The following ATP13A3 variants were observed in gnomAD, a reference collection of about 807,000 sequenced individuals.
The protein encoded by ATP13A3 is polyamine-transporting ATPase 13A3.
A neutral mutation model predicts 158.1 loss-of-function variants in ATP13A3; 59 were observed. That is an observed-to-expected ratio of 0.37 (90% CI 0.30 to 0.46). The LOEUF is 0.46. ATP13A3 is among the 20% of genes least tolerant of loss of function. The probability of loss-of-function intolerance (pLI) is 1.00; values close to 1 mark genes in which losing one functional copy is unlikely to be tolerated. For synonymous variants in ATP13A3, 491 were observed against 504.3 expected, an observed-to-expected ratio of 0.97 and a Z score of 0.35; for missense variants, 1,166 against 1,525.2, an observed-to-expected ratio of 0.76 and a Z score of 3.92.
chr3:194,414,945 T>C (rs868144904), intron 31 of ATP13A3, among the ~76,000 whole-genome samples: 1 of 152,130 alleles, frequency 6.6e-6, no homozygotes, highest in Non-Finnish European at 1.5e-5. Flanking sequence ...CTTTAACATA[T>C]AGATGGTGAT....
chr3:194,426,818 T>C (rs1577042007), intron 29 of ATP13A3, among the ~76,000 whole-genome samples: 4 of 152,044 alleles, frequency 2.6e-5, no homozygotes, highest in East Asian at 3.9e-4. Context: ...GGCACCACCA[T>C]GCCCGGCTAA....
intron 20 of ATP13A3, among the ~76,000 whole-genome samples, chr3:194,436,357 T>C (rs1292882401): frequency 1.3e-5 from 2 of 152,124 alleles, no homozygotes; most frequent in East Asian, 1.9e-4. Context: ...TACTGGGGAT[T>C]AGGAAAGAAG....
In ATP13A3 at chr3:194,405,699, A is replaced by G; in HGVS notation, c.*220T>C. On this transcript the variant is annotated 3_prime_UTR_variant, in exon 34 of 34. Coordinates refer to ENST00000645319, the MANE Select transcript of ATP13A3 (RefSeq NM_001367549.1). Reference sequence around the variant, plus strand: ...ATGTATGTAATATTTGGGTTGCTGAATGAAGATATAGGACTTTATGGATTG... The same window carrying G: ...ATGTATGTAATATTTGGGTTGCTGAGTGAAGATATAGGACTTTATGGATTG... 6.2e-6 allele frequency: 3 copies of G among 487,076 alleles called. No individual in the cohort carries two copies. The highest frequency in any genetic ancestry group is 1.1e-5 in the Non-Finnish European group (3 of 276,590). 30.2% of individuals were successfully genotyped at this position (487,076 alleles called of 1,614,324 possible). A position where few individuals can be genotyped will look rare whatever the true frequency, so the allele number is the denominator to read the frequency against.
chr3:194,486,976 CG>C lies in ATP13A3; in HGVS notation c.-500del. ...GCTGCGGGGAGAGCCGGCAGGCAGG[CG>C]GGGGAGCGCGCGCGGGCTCAGGACT... On this transcript the variant is annotated 5_prime_UTR_variant, in exon 1 of 34. Coordinates refer to ENST00000645319, the MANE Select transcript of ATP13A3 (RefSeq NM_001367549.1). 1 of 149,078 alleles carries C rather than the reference CG, an allele frequency of 6.7e-6. No homozygotes were observed. Among genetic ancestry groups the C allele is most frequent in the Non-Finnish European group, 1.5e-5 (1 of 65,906 alleles). The allele number at this position is 149,078 out of a possible 1,614,324, so 9.2% of individuals were successfully genotyped here. A position where few individuals can be genotyped will look rare whatever the true frequency, so the allele number is the denominator to read the frequency against.
chr3:194,432,942 G>C (rs1717334635), intron 21 of ATP13A3, among the ~76,000 whole-genome samples: 1 of 151,770 alleles, frequency 6.6e-6, no homozygotes, highest in South Asian at 2.1e-4. Flanking sequence ...AAAAAAAGTA[G>C]GCTATTTCAC....
intron 28 of ATP13A3, among the ~76,000 whole-genome samples, chr3:194,427,895 A>C (rs1716915653): frequency 6.6e-6 from 1 of 152,110 alleles, no homozygotes; most frequent in Non-Finnish European, 1.5e-5. Context: ...ATTACTTATT[A>C]AGGTGGTATA....
intron 20 of ATP13A3, among the ~76,000 whole-genome samples, chr3:194,436,614 A>G (rs1176420767): frequency 1.3e-5 from 2 of 152,260 alleles, no homozygotes; most frequent in Non-Finnish European, 2.9e-5. Flanking sequence ...ATAGGTAAAC[A>G]GTCAACACAG....
At chr3:194,428,231 A>AAAGAAAAG (rs1553797767) in intron 28 of ATP13A3, among the ~76,000 whole-genome samples, 1 of 141,792 alleles carries the variant, frequency 7.1e-6, no homozygotes, top group African/African-American at 2.8e-5. Context: ...AAAAAAAAAA[A>AAAGAAAAG]AAAAAAGAAA....
chr3:194,485,999 T>G (rs1720950113), intron 1 of ATP13A3, among the ~76,000 whole-genome samples, 164 bp from the exon 2 acceptor site: 1 of 151,930 alleles, frequency 6.6e-6, no homozygotes, highest in African/African-American at 2.4e-5. Context: ...AACCTGACTC[T>G]GTGAAGGGAA....
At position 194,432,115 on chromosome 3, in the gene ATP13A3, C is replaced by T. The variant is rs190035431; in HGVS notation, c.2246-223G>A. ...ACGTTATATGCTAAAGAAAACATCTCACCCACAATTTTTAAAGCCAAATAT... is the reference window on the plus strand; with the variant it reads ...ACGTTATATGCTAAAGAAAACATCTTACCCACAATTTTTAAAGCCAAATAT... On this transcript the variant is annotated intron_variant, in intron 21 of 33. Transcript: ENST00000645319. 2.0e-4 allele frequency: 87 copies of T among 426,654 alleles called. No homozygotes were observed. The East Asian group carries it at 3.0e-3, about 15-fold the overall frequency. The allele number at this position is 426,654 out of a possible 1,614,324, so 26.4% of individuals were successfully genotyped here. A position where few individuals can be genotyped will look rare whatever the true frequency, so the allele number is the denominator to read the frequency against.
At position 194,425,417 on chromosome 3, in the gene ATP13A3, A is replaced by C; in HGVS notation, c.3238T>G (p.Ser1080Ala). 1 of 1,613,794 alleles carries C rather than the reference A, an allele frequency of 6.2e-7. No individual in the cohort carries two copies. The highest frequency in any genetic ancestry group is 2.2e-5 in the East Asian group (1 of 44,862). Reference sequence around the variant, plus strand: ...GCCACTATGAGGTACTGAAAACTGGAAATAAAAAACACTGTGGTATTTTCA... The same window carrying C: ...GCCACTATGAGGTACTGAAAACTGGCAATAAAAAACACTGTGGTATTTTCA... ...NYENTTVFFISSFQYLIVAIA... is the reference protein window; with the variant it reads ...NYENTTVFFIASFQYLIVAIA... Residue 1080 changes from serine to alanine, a missense_variant, in exon 30 of 34, where the codon TCC (serine) becomes GCC (alanine). Physicochemically the swap from Ser to Ala is moderately conservative, Grantham distance 99. Coordinates refer to ENST00000645319, the MANE Select transcript of ATP13A3 (RefSeq NM_001367549.1).
In ATP13A3 at chr3:194,448,717, A is replaced by G. The variant is rs1718580929; in HGVS notation, c.971-81T>C. The G allele has an allele frequency of 7.6e-7, 1 of 1,320,668 alleles. No individual in the cohort carries two copies. The highest frequency in any genetic ancestry group is 2.7e-4 in the Middle Eastern group (1 of 3,714). The allele number at this position is 1,320,668 out of a possible 1,614,324, so 81.8% of individuals were successfully genotyped here. ...CAGGAATCAGTATCGAACACCAAAA[A>G]ATATTAAATTGTTAAATATTTTAAA... On this transcript the variant is annotated intron_variant, in intron 11 of 33. Coordinates refer to ENST00000645319, the MANE Select transcript of ATP13A3 (RefSeq NM_001367549.1). The surrounding 1 kb of genome is among the most constrained non-coding windows in gnomAD (Gnocchi z 4.0).
In ATP13A3 at chr3:194,431,131, C is replaced by T. The variant is rs1201149148; in HGVS notation, c.2517G>A (p.Leu839=). The T allele has an allele frequency of 6.2e-7, 1 of 1,613,788 alleles. No homozygotes were observed. The highest frequency in any genetic ancestry group is 8.5e-7 in the Non-Finnish European group (1 of 1,179,864). Residue 839 remains leucine (L), a synonymous_variant, in exon 23 of 34, where the codon CTG becomes CTA. Coordinates refer to ENST00000645319, the MANE Select transcript of ATP13A3 (RefSeq NM_001367549.1). The stretch of plus-strand genomic sequence containing the variant: ...TAGGAACAAGGTCTTGAAAATGCTC[C>T]AGTATCACTGAGAATGATTTTCCAT... The part of the protein sequence containing the change: ...AMNGKSFSVI[L]EHFQDLVPKL...
chr3:194,430,142 G>C lies in ATP13A3; in HGVS notation c.2707C>G (p.Leu903Val), dbSNP rs1266818425. Residue 903 changes from leucine to valine, a missense_variant, in exon 26 of 34, where the codon CTC becomes GTC. Physicochemically the swap from Leu to Val is conservative, Grantham distance 32. Around this residue, in one of 3 missense-constraint regions of ATP13A3, gnomAD observed 997 missense variants for 1,341.2 expected, o/e 0.74. Transcript: ENST00000645319. ...AAGGGAGATGCCACTGAAGCTTCGA[G>C]CTCCGATAAGGAAATGCCTCCGTGT... is the stretch of plus-strand genomic sequence containing the variant. ...RAHGGISLSE[L>V]EASVASPFTS... 2 of 1,613,990 alleles carry C rather than the reference G, an allele frequency of 1.2e-6. No individual in the cohort carries two copies. Among genetic ancestry groups the C allele is most frequent in the African/African-American group, 2.7e-5 (2 of 74,912 alleles).
chr3:194,461,078 C>A (rs1719624385), intron 3 of ATP13A3, among the ~76,000 whole-genome samples: 1 of 152,144 alleles, frequency 6.6e-6, no homozygotes, highest in African/African-American at 2.4e-5. Context: ...CTAATACGTT[C>A]TTTCCCACTG....
In ATP13A3 at chr3:194,462,008, G is replaced by A. The variant is rs545029202; in HGVS notation, c.51+132C>T. The A allele has an allele frequency of 3.7e-5, 29 of 788,188 alleles. No homozygotes were observed. The African/African-American group carries it at 4.3e-4, about 12-fold the overall frequency. The allele number at this position is 788,188 out of a possible 1,614,324, so 48.8% of individuals were successfully genotyped here. A position where few individuals can be genotyped will look rare whatever the true frequency, so the allele number is the denominator to read the frequency against. ...TACACAATCCCAATTCAAAAGCACA[G>A]GATGAAGAAAGAAGCCCATTGAGTT... On this transcript the variant is annotated intron_variant, in intron 3 of 33. Transcript: ENST00000645319.
upstream of ATP13A3, among the ~76,000 whole-genome samples, chr3:194,491,611 C>G (rs558035853): frequency 2.4e-5 from 2 of 83,168 alleles, no homozygotes; most frequent in East Asian, 4.3e-4. Context: ...CTCCATCTCT[C>G]ACCTGGCATG....
Position 194,448,759 on chromosome 3 carries a change from A to G in ATP13A3, c.971-123T>C. Reference sequence around the variant, plus strand: ...TATTTTAAATGCTACCATACTGTTTACAATAATCACTGAGAGTTGTATATG... The same window carrying G: ...TATTTTAAATGCTACCATACTGTTTGCAATAATCACTGAGAGTTGTATATG... On this transcript the variant is annotated intron_variant, in intron 11 of 33. Transcript: ENST00000645319. This position sits in a 1 kb window ranked among gnomAD's most constrained non-coding sequence, Gnocchi z 4.0. 9.9e-7 allele frequency: 1 copy of G among 1,014,404 alleles called. No homozygotes were observed. The highest frequency in any genetic ancestry group is 1.4e-6 in the Non-Finnish European group (1 of 722,784). The allele number at this position is 1,014,404 out of a possible 1,614,324, so 62.8% of individuals were successfully genotyped here.
rs139507651 is a variant in ATP13A3 at position 194,416,461 on chromosome 3, A to T, written c.3403-2622T>A. 1.6e-4 allele frequency among the ~76,000 whole-genome samples: 24 copies of T among 151,994 alleles called. No homozygotes were observed. In the East Asian group the frequency reaches 4.6e-3, roughly 29 times the overall value. Reference sequence around the variant, plus strand: ...CGACAGAGCGAGACTCCATCTCAAAAAAAAAAGCATTAGATAAAAATTTAA... The same window carrying T: ...CGACAGAGCGAGACTCCATCTCAAATAAAAAAGCATTAGATAAAAATTTAA... On this transcript the variant is annotated intron_variant, in intron 31 of 33. Coordinates refer to ENST00000645319, the MANE Select transcript of ATP13A3 (RefSeq NM_001367549.1).
Sources: gnomAD v4.1 joint callset for allele counts (sites outside exome capture counted in the v4.1 genomes callset) on GRCh38, gnomAD v4.1.1 for gene constraint, gnomAD v4.1.1 regional missense constraint, Gnocchi (gnomAD v3.1) non-coding constraint, MANE v1.5 for transcripts, NCBI Gene and HGNC (gene_info 2026-07-23, HGNC 2026-07-21) for gene names.